LY6S: variants seen among roughly 807,000 people sequenced by gnomAD.
The protein encoded by LY6S is lymphocyte antigen 6S.
the LY6S span, among the ~76,000 whole-genome samples, chr8:143,051,759 G>A: frequency 6.6e-6 from 1 of 151,612 alleles, no homozygotes; most frequent in East Asian, 1.9e-4. Flanking sequence ...ATCACTTGAG[G>A]TCAGGAGTTC....
the LY6S span, among the ~76,000 whole-genome samples, chr8:143,058,699 G>T: frequency 6.6e-6 from 1 of 152,248 alleles, no homozygotes; most frequent in East Asian, 1.9e-4. Flanking sequence ...ACTCCCCTGG[G>T]GAAAGGGAGA....
At chr8:143,052,096 A>C in the LY6S span, among the ~76,000 whole-genome samples, 1 of 151,860 alleles carries the variant, frequency 6.6e-6, no homozygotes, top group Admixed American at 6.6e-5. Flanking sequence ...CCTGGCTAAC[A>C]CGGTGAAACC....
At chr8:143,044,885 C>T in the LY6S span, 2 of 1,222,864 alleles carry the variant, frequency 1.6e-6, no homozygotes, top group Non-Finnish European at 2.1e-6. Flanking sequence ...CCCACAAGGG[C>T]ACCCACTCTC....
the LY6S span, chr8:143,044,645 C>T: frequency 1.5e-6 from 2 of 1,359,886 alleles, no homozygotes; most frequent in Non-Finnish European, 2.0e-6. Context: ...CCCTCCCTCC[C>T]CAGAACCTGC....
the LY6S span, among the ~76,000 whole-genome samples, chr8:143,070,131 T>C: frequency 2.6e-5 from 4 of 151,852 alleles, no homozygotes; most frequent in Admixed American, 2.0e-4. Context: ...CTCCCTGCAT[T>C]CTGTCACGGT....
the LY6S span, among the ~76,000 whole-genome samples, chr8:143,070,463 TAATATATATATAAATATATATATA>T: frequency 1.8e-4 from 7 of 39,248 alleles, no homozygotes; most frequent in African/African-American, 5.1e-4. Flanking sequence ...TATATATATA[TAATATATATATAAATATATATATA>T]TATTTTTTTT....
chr8:143,060,851 A>C, the LY6S span, among the ~76,000 whole-genome samples: 11 of 152,264 alleles, frequency 7.2e-5, no homozygotes, highest in Non-Finnish European at 1.5e-4. Context: ...ATAGTAAGTC[A>C]AAGATGCATA....
chr8:143,074,779 G>C, the LY6S span, among the ~76,000 whole-genome samples: 1 of 151,976 alleles, frequency 6.6e-6, no homozygotes, highest in Admixed American at 6.6e-5. Flanking sequence ...ATAATTTTTG[G>C]TAGTGTGCTA....
At chr8:143,072,957 C>T in the LY6S span, among the ~76,000 whole-genome samples, 4 of 72,890 alleles carry the variant, frequency 5.5e-5, no homozygotes, top group African/African-American at 1.8e-4. Flanking sequence ...CCGTCGTCCT[C>T]GGGGTTCCTG....
the LY6S span, among the ~76,000 whole-genome samples, chr8:143,075,030 C>T: frequency 6.6e-6 from 1 of 152,192 alleles, no homozygotes; most frequent in Non-Finnish European, 1.5e-5. This position sits in a 1 kb window ranked among gnomAD's most constrained non-coding sequence, Gnocchi z 4.1. Context: ...ACACTCTTTC[C>T]TCATGCTAAC....
At chr8:143,049,918 A>C in the LY6S span, among the ~76,000 whole-genome samples, 133 of 143,548 alleles carry the variant, frequency 9.3e-4, no homozygotes, top group Non-Finnish European at 1.6e-3. Context: ...AGCAAAAAAA[A>C]CAAAAACTCA....
At chr8:143,074,003 G>A in the LY6S span, among the ~76,000 whole-genome samples, 40 of 151,140 alleles carry the variant, frequency 2.6e-4, no homozygotes, top group East Asian at 1.6e-3. Flanking sequence ...GGAGACAGCC[G>A]TCGTCCCCGG....
the LY6S span, among the ~76,000 whole-genome samples, chr8:143,054,812 C>T: frequency 2.0e-5 from 3 of 152,270 alleles, no homozygotes; most frequent in Admixed American, 1.3e-4. Flanking sequence ...GGGACAGCTA[C>T]GGGAGACAGA....
At chr8:143,048,895 T>C in the LY6S span, among the ~76,000 whole-genome samples, 2 of 152,206 alleles carry the variant, frequency 1.3e-5, no homozygotes, top group Non-Finnish European at 2.9e-5. Context: ...GTCATGTATC[T>C]GCCAGGCTGT....
chr8:143,076,228 T>C, the LY6S span, among the ~76,000 whole-genome samples: 9 of 152,224 alleles, frequency 5.9e-5, no homozygotes, highest in African/African-American at 2.2e-4. Context: ...GCTGTCCGTC[T>C]AAGAAAGACA....
chr8:143,067,412 T>C, the LY6S span, among the ~76,000 whole-genome samples: 1 of 152,174 alleles, frequency 6.6e-6, no homozygotes, highest in Non-Finnish European at 1.5e-5. Flanking sequence ...TAAAAGTCAT[T>C]GCCATTCTCC....
chr8:143,057,241 A>T, the LY6S span: 1 of 222,624 alleles, frequency 4.5e-6, no homozygotes, highest in South Asian at 6.9e-5. Flanking sequence ...CTTTTTTACT[A>T]TTATTATTAT....
At chr8:143,069,252 T>G in the LY6S span, among the ~76,000 whole-genome samples, 1 of 152,218 alleles carries the variant, frequency 6.6e-6, no homozygotes, top group Non-Finnish European at 1.5e-5. Flanking sequence ...TTAGTCACCC[T>G]GTAACTGAGT....
the LY6S span, among the ~76,000 whole-genome samples, chr8:143,052,116 C>A: frequency 2.6e-5 from 4 of 151,198 alleles, no homozygotes; most frequent in African/African-American, 7.3e-5. Flanking sequence ...CCCGTCTCTA[C>A]TAAAAATACA....
Sources: gnomAD v4.1 joint callset for allele counts (sites outside exome capture counted in the v4.1 genomes callset) on GRCh38, gnomAD v4.1.1 for gene constraint, Gnocchi (gnomAD v3.1) non-coding constraint, MANE v1.5 for transcripts, NCBI Gene and HGNC (gene_info 2026-07-23, HGNC 2026-07-21) for gene names.